Variants in CDX2 observed in about 807,000 individuals in gnomAD.
CDX2 encodes homeobox protein CDX-2.
CDX2 carries 7 observed loss-of-function variants against 25.5 expected under a neutral mutation model. That is an observed-to-expected ratio of 0.27 (90% CI 0.16 to 0.52). The LOEUF (loss-of-function observed/expected upper bound fraction) is 0.52. Ranked by LOEUF, CDX2 falls within the 20% of genes least tolerant of loss-of-function variation. The pLI, the probability that CDX2 is intolerant of heterozygous loss-of-function variation, is 0.97. For missense variants in CDX2, 375 were observed against 431.4 expected (o/e 0.87, Z 1.16); for synonymous variants, 222 against 198.6 (o/e 1.12, Z -0.99).
In CDX2 at chr13:27,963,097, G is replaced by A. The variant is rs77050040; in HGVS notation, c.*18C>T. The stretch of plus-strand genomic sequence containing the variant: ...TGGCTCAGCCTGGAATTGCTCTGCC[G>A]CTGCAGAACCCGGTGGGTCACTGGG... On this transcript the variant is annotated 3_prime_UTR_variant, in exon 3 of 3. Transcript: ENST00000381020. The A allele has an allele frequency of 9.8e-3, 15,690 of 1,600,706 alleles. 1,327 individuals are homozygous for A. The African/African-American group carries it at 0.18, about 18-fold the overall frequency.
chr13:27,965,124 G>A (rs1183550531), intron 1 of CDX2, 109 bp from the exon 2 acceptor site: 2 of 1,250,462 alleles, frequency 1.6e-6, no homozygotes, highest in Non-Finnish European at 2.2e-6. Flanking sequence ...CACCACCCTG[G>A]GGGGCCCGGG....
intron 1 of CDX2, among the ~76,000 whole-genome samples, chr13:27,967,053 C>T (rs1298534144): frequency 6.6e-6 from 1 of 152,188 alleles, no homozygotes; most frequent in African/African-American, 2.4e-5. Flanking sequence ...CGGCTTCCCT[C>T]CCGCCCCCTT....
chr13:27,967,440 G>A (rs911252107), intron 1 of CDX2: 48 of 475,034 alleles, frequency 1.0e-4, no homozygotes, highest in Non-Finnish European at 1.7e-4. Context: ...CTGCCCAATT[G>A]GGGCATCAAG....
In CDX2 at chr13:27,962,180, A is replaced by T. The variant is rs1869079632; in HGVS notation, c.*935T>A. On this transcript the variant is annotated 3_prime_UTR_variant, in exon 3 of 3. Coordinates refer to ENST00000381020, the MANE Select transcript of CDX2 (RefSeq NM_001265.6). ...TTATCTCTTTTTCTTTTTAGAAAAAATTCAACTGTGTTCAAATACTCCCCA... is the reference window on the plus strand; with the variant it reads ...TTATCTCTTTTTCTTTTTAGAAAAATTTCAACTGTGTTCAAATACTCCCCA... The T allele has an allele frequency of 4.3e-6, 1 of 232,726 alleles. No individual in the cohort carries two copies. The allele number at this position is 232,726 out of a possible 1,614,324, so 14.4% of individuals were successfully genotyped here. A position where few individuals can be genotyped will look rare whatever the true frequency, so the allele number is the denominator to read the frequency against.
intron 1 of CDX2, among the ~76,000 whole-genome samples, chr13:27,968,040 A>C (rs1323385629): frequency 6.6e-6 from 1 of 152,094 alleles, no homozygotes. Flanking sequence ...GCGGAGATAA[A>C]TGGCCTAGAC....
chr13:27,964,960 C>T lies in CDX2; in HGVS notation c.597G>A (p.Leu199=). 1.2e-6 allele frequency: 2 copies of T among 1,614,178 alleles called. No homozygotes were observed. The highest frequency in any genetic ancestry group is 1.7e-5 in the Admixed American group (1 of 60,024). Residue 199 remains leucine (L), a synonymous_variant, in exon 2 of 3, where the codon CTG becomes CTA. Coordinates refer to ENST00000381020, the MANE Select transcript of CDX2 (RefSeq NM_001265.6). This position sits in a 1 kb window ranked among gnomAD's most constrained non-coding sequence, Gnocchi z 4.7. The stretch of plus-strand genomic sequence containing the variant: ...TGTAGTGAAACTCCTTCTCCAGCTC[C>T]AGCCGCTGGTGGTCCGTGTACACCA... The part of the protein sequence containing the change: ...YRVVYTDHQR[L]ELEKEFHYSR...
chr13:27,968,435 C>A, intron 1 of CDX2, 31 bp downstream of exon 1: 1 of 1,472,748 alleles, frequency 6.8e-7, no homozygotes, highest in Non-Finnish European at 8.9e-7. Flanking sequence ...CCTTCCCAAG[C>A]ACCCTCCGAA....
chr13:27,964,819 T>A lies in CDX2; in HGVS notation c.687+51A>T, dbSNP rs1172069428. ...CTGCAGCCAGATTTTCTAACTCTCA[T>A]GGTCCTCTGCCAGGCAGTGGCCCGC... On this transcript the variant is annotated intron_variant, in intron 2 of 2. Coordinates refer to ENST00000381020, the MANE Select transcript of CDX2 (RefSeq NM_001265.6). The surrounding 1 kb of genome is among the most constrained non-coding windows in gnomAD (Gnocchi z 4.7). The A allele has an allele frequency of 6.3e-7, 1 of 1,593,162 alleles. No homozygotes were observed. Among genetic ancestry groups the A allele is most frequent in the Non-Finnish European group, 8.6e-7 (1 of 1,165,300 alleles).
chr13:27,966,599 C>A (rs1869339346), intron 1 of CDX2, among the ~76,000 whole-genome samples: 1 of 152,174 alleles, frequency 6.6e-6, no homozygotes, highest in African/African-American at 2.4e-5. Context: ...GCGACCCTTG[C>A]TCGGGTGCTG....
rs969690478 is a variant in CDX2, at chr13:27,964,314, G to T, written c.687+556C>A. On this transcript the variant is annotated intron_variant, in intron 2 of 2. Coordinates refer to ENST00000381020, the MANE Select transcript of CDX2 (RefSeq NM_001265.6). The surrounding 1 kb of genome is among the most constrained non-coding windows in gnomAD (Gnocchi z 4.7). ...TTTGGGAGGCTGAAGCAGGAGAATC[G>T]CTTGAACCCGGGAGGCAGAGGTTGC... 6.6e-6 allele frequency among the ~76,000 whole-genome samples: 1 copy of T among 152,144 alleles called. No homozygotes were observed. The highest frequency in any genetic ancestry group is 1.5e-5 in the Non-Finnish European group (1 of 68,040).
At chr13:27,966,344 A>G (rs1869321830) in intron 1 of CDX2, among the ~76,000 whole-genome samples, 1 of 152,198 alleles carries the variant, frequency 6.6e-6, no homozygotes, top group South Asian at 2.1e-4. Context: ...AACTAACGCG[A>G]CTTTCTCCGC....
In CDX2 at chr13:27,963,081, C is replaced by T; in HGVS notation, c.*34G>A. 3 of 1,589,342 alleles carry T rather than the reference C, an allele frequency of 1.9e-6. No homozygotes were observed. The highest frequency in any genetic ancestry group is 2.6e-6 in the Non-Finnish European group (3 of 1,166,814). On this transcript the variant is annotated 3_prime_UTR_variant, in exon 3 of 3. Transcript: ENST00000381020. ...GAGTCCACGCTCCTCATGGCTCAGC[C>T]TGGAATTGCTCTGCCGCTGCAGAAC...
In CDX2 at chr13:27,961,221, G is replaced by A. The variant is rs922440884; in HGVS notation, c.*1894C>T. 6.6e-6 allele frequency among the ~76,000 whole-genome samples: 1 copy of A among 152,248 alleles called. No individual in the cohort carries two copies. Among genetic ancestry groups the A allele is most frequent in the South Asian group, 2.1e-4 (1 of 4,834 alleles). ...CTTTCCCAATCCTGGAGCTGTATAC[G>A]CCACCCGGAAGGGCCGCGGAATTGG... On this transcript the variant is annotated 3_prime_UTR_variant, in exon 3 of 3. Transcript: ENST00000381020.
At position 27,963,054 on chromosome 13, in the gene CDX2, C is replaced by A; in HGVS notation, c.*61G>T. 2 of 1,550,214 alleles carry A rather than the reference C, an allele frequency of 1.3e-6. No homozygotes were observed. The highest frequency in any genetic ancestry group is 1.7e-6 in the Non-Finnish European group (2 of 1,147,120). ...GAGGGGTCTCTCCTGAGGAGTCTAG[C>A]AGAGTCCACGCTCCTCATGGCTCAG... is the stretch of plus-strand genomic sequence containing the variant. On this transcript the variant is annotated 3_prime_UTR_variant, in exon 3 of 3. Coordinates refer to ENST00000381020, the MANE Select transcript of CDX2 (RefSeq NM_001265.6).
chr13:27,968,064 G>T (rs1477033955), intron 1 of CDX2, among the ~76,000 whole-genome samples: 1 of 152,192 alleles, frequency 6.6e-6, no homozygotes, highest in Non-Finnish European at 1.5e-5. Context: ...GCCCAAGAAG[G>T]TTCGAGCCTC....
chr13:27,968,653 G>C lies in CDX2; in HGVS notation c.354C>G (p.His118Gln), dbSNP rs747093596. The C allele has an allele frequency of 2.1e-5, 32 of 1,534,862 alleles. No individual in the cohort carries two copies. The highest frequency in any genetic ancestry group is 1.8e-4 in the East Asian group (7 of 39,960). Residue 118 changes from histidine to glutamine, a missense_variant, in exon 1 of 3, where the codon CAC (histidine) becomes CAG (glutamine). Physicochemically the swap from His to Gln is conservative, Grantham distance 24. Around this residue, in one of 3 missense-constraint regions of CDX2, gnomAD observed 253 missense variants for 247.5 expected, o/e 1.02. Transcript: ENST00000381020. The stretch of plus-strand genomic sequence containing the variant: ...CCGGGTGGTGCGGGTGGTGATGCGG[G>C]TGGTGGTGCGGATGGTAGTCTGCGG... ...SSPADYHPHHHPHHHPHHPAA... is the reference protein window; with the variant it reads ...SSPADYHPHHQPHHHPHHPAA...
Position 27,961,491 on chromosome 13 carries a change from C to T in CDX2, c.*1624G>A, listed in dbSNP as rs1651822978. On this transcript the variant is annotated 3_prime_UTR_variant, in exon 3 of 3. Transcript: ENST00000381020. ...AGTGGATCGGCCAGATAACAAGAAA[C>T]TGTCACTAAAAGGATCATTTTATAC... 6.6e-6 allele frequency among the ~76,000 whole-genome samples: 1 copy of T among 152,114 alleles called. No homozygotes were observed. The highest frequency in any genetic ancestry group is 2.4e-5 in the African/African-American group (1 of 41,422).
In CDX2 at chr13:27,965,025, A is replaced by G; in HGVS notation, c.542-10T>C. The G allele has an allele frequency of 6.2e-7, 1 of 1,613,474 alleles. No individual in the cohort carries two copies. Among genetic ancestry groups the G allele is most frequent in the Non-Finnish European group, 8.5e-7 (1 of 1,179,704 alleles). On this transcript the variant is annotated splice_polypyrimidine_tract_variant and intron_variant, in intron 1 of 2. Transcript: ENST00000381020. Reference sequence around the variant, plus strand: ...TTCGTCCTGGTTTTCACTGTGGAGGAAGGAGAAGTGAGGGCTGAGAACTGC... The same window carrying G: ...TTCGTCCTGGTTTTCACTGTGGAGGGAGGAGAAGTGAGGGCTGAGAACTGC...
Position 27,968,942 on chromosome 13 carries a change from C to T in CDX2, c.65G>A (p.Gly22Asp), listed in dbSNP as rs1227738305. 2 of 1,608,366 alleles carry T rather than the reference C, an allele frequency of 1.2e-6. No individual in the cohort carries two copies. The highest frequency in any genetic ancestry group is 1.7e-6 in the Non-Finnish European group (2 of 1,179,258). ...GTTCTGCGGCGCCAGGTTGAGGCCG[C>T]CAGAGTGGCGCACGGAGCTAGGGTA... is the stretch of plus-strand genomic sequence containing the variant. Reference protein sequence around the residue: ...SMYPSSVRHSGGLNLAPQNFV... With the variant: ...SMYPSSVRHSDGLNLAPQNFV... Residue 22 changes from glycine (G) to aspartate (D), a missense_variant, in exon 1 of 3, where the codon GGC (glycine) becomes GAC (aspartate). Gly to Asp is a moderately conservative substitution (Grantham distance 94). Coordinates refer to ENST00000381020, the MANE Select transcript of CDX2 (RefSeq NM_001265.6).
Sources: allele counts gnomAD v4.1 joint callset (sites outside exome capture counted in the v4.1 genomes callset), GRCh38; gene constraint gnomAD v4.1.1; regional missense constraint gnomAD v4.1.1; non-coding constraint Gnocchi (gnomAD v3.1); transcripts MANE v1.5; gene names NCBI Gene and HGNC (gene_info 2026-07-23, HGNC 2026-07-21).